The following CRISP1 variants were observed in gnomAD, a reference collection of about 807,000 sequenced individuals.
The protein encoded by CRISP1 is cysteine-rich secretory protein 1.
In CRISP1, 44 loss-of-function variants were observed where a neutral mutation model predicts 33.1. That is an observed-to-expected ratio of 1.33 (90% CI 1.05 to 1.71). The LOEUF is 1.71. Among genes scored for constraint, CRISP1 ranks in the 40% most tolerant of loss-of-function variants. The probability of loss-of-function intolerance (pLI) is 0.00; values close to 1 mark genes in which losing one functional copy is unlikely to be tolerated. For synonymous variants in CRISP1, 103 were observed against 98.7 expected (o/e 1.04, Z -0.26); for missense variants, 390 against 301.2 (o/e 1.29, Z -2.18).
chr6:49,848,359 T>A (rs576184501), intron 3 of CRISP1, 60 bp from the exon 4 acceptor site: 1,036 of 1,024,656 alleles, frequency 1.0e-3, no homozygotes, highest in Non-Finnish European at 1.4e-3. Context: ...AGATTCTAAT[T>A]TATTGTTTTT....
intron 3 of CRISP1, among the ~76,000 whole-genome samples, chr6:49,848,756 A>T (rs1771262129): frequency 6.6e-6 from 1 of 152,190 alleles, no homozygotes; most frequent in African/African-American, 2.4e-5. Flanking sequence ...TTCTGTATTG[A>T]ATAAATGCTG....
upstream of CRISP1, among the ~76,000 whole-genome samples, chr6:49,871,283 C>A (rs1170818710): frequency 1.3e-5 from 2 of 151,984 alleles, no homozygotes; most frequent in Non-Finnish European, 2.9e-5. Context: ...AAAATAATTG[C>A]CCTACTGGAA....
At chr6:49,841,756 G>A (rs970372202) in intron 5 of CRISP1, among the ~76,000 whole-genome samples, 2 of 152,154 alleles carry the variant, frequency 1.3e-5, no homozygotes, top group African/African-American at 4.8e-5. Flanking sequence ...GAGGAAAAGT[G>A]AGCCAGGTTT....
chr6:49,857,818 A>G (rs1582277295), intron 1 of CRISP1, among the ~76,000 whole-genome samples: 1 of 152,216 alleles, frequency 6.6e-6, no homozygotes, highest in East Asian at 1.9e-4. Flanking sequence ...AGCATGAGAC[A>G]GACTTGACCA....
At chr6:49,852,295 A>G (rs1771372287) in intron 2 of CRISP1, among the ~76,000 whole-genome samples, 166 bp from the exon 3 acceptor site, 2 of 152,148 alleles carry the variant, frequency 1.3e-5, no homozygotes, top group Admixed American at 1.3e-4. Context: ...TTTCTCCAGT[A>G]CTAATTTTGA....
At chr6:49,849,691 G>T (rs1383581523) in intron 3 of CRISP1, among the ~76,000 whole-genome samples, 2 of 152,026 alleles carry the variant, frequency 1.3e-5, no homozygotes, top group Admixed American at 6.6e-5. Context: ...AGACTGTTTG[G>T]AGGACACTCA....
intron 1 of CRISP1, among the ~76,000 whole-genome samples, chr6:49,860,245 T>C (rs980516959): frequency 1.3e-5 from 2 of 152,176 alleles, no homozygotes; most frequent in Non-Finnish European, 2.9e-5. Context: ...ACATTGGATT[T>C]AAGTTGGATA....
chr6:49,864,412 G>GTA (rs1771743498), intron 1 of CRISP1, among the ~76,000 whole-genome samples: 1 of 151,658 alleles, frequency 6.6e-6, no homozygotes, highest in Non-Finnish European at 1.5e-5. Context: ...GTGTGTGTGT[G>GTA]TGTGTGTGTG....
intron 5 of CRISP1, among the ~76,000 whole-genome samples, chr6:49,843,905 T>C (rs1771074447): frequency 6.6e-6 from 1 of 152,180 alleles, no homozygotes; most frequent in African/African-American, 2.4e-5. Flanking sequence ...GCAAACAAAA[T>C]GGCTGCTGCC....
upstream of CRISP1, among the ~76,000 whole-genome samples, chr6:49,871,208 A>T (rs1221047987): frequency 6.6e-6 from 1 of 152,138 alleles, no homozygotes; most frequent in East Asian, 1.9e-4. Flanking sequence ...TTATTCAAAA[A>T]CATTGATTTA....
chr6:49,849,951 T>G (rs1771298986), intron 3 of CRISP1, among the ~76,000 whole-genome samples: 1 of 151,906 alleles, frequency 6.6e-6, no homozygotes, highest in African/African-American at 2.4e-5. Flanking sequence ...TCTACCAGTG[T>G]ATAGCCTCTC....
chr6:49,839,393 G>A (rs1345964996), intron 6 of CRISP1, among the ~76,000 whole-genome samples: 2 of 151,910 alleles, frequency 1.3e-5, no homozygotes, highest in Non-Finnish European at 2.9e-5. Context: ...CAATACTACA[G>A]GGAGCTATGT....
intron 3 of CRISP1, among the ~76,000 whole-genome samples, chr6:49,850,634 C>A: frequency 6.6e-6 from 1 of 152,032 alleles, no homozygotes; most frequent in Admixed American, 6.6e-5. Context: ...CTCGTATTTC[C>A]TTTGAAATAT....
At chr6:49,864,413 TGTG>T (rs1771743657) in intron 1 of CRISP1, among the ~76,000 whole-genome samples, 5 of 151,780 alleles carry the variant, frequency 3.3e-5, no homozygotes. Flanking sequence ...TGTGTGTGTG[TGTG>T]TGTGTGTGTA....
chr6:49,849,606 A>G (rs1406447304), intron 3 of CRISP1, among the ~76,000 whole-genome samples: 2 of 152,194 alleles, frequency 1.3e-5, no homozygotes, highest in Non-Finnish European at 2.9e-5. Flanking sequence ...ATATGTGCAT[A>G]TAACAGATTG....
intron 1 of CRISP1, among the ~76,000 whole-genome samples, chr6:49,857,719 G>A (rs189406389): frequency 1.3e-5 from 2 of 152,310 alleles, no homozygotes; most frequent in East Asian, 3.9e-4. Flanking sequence ...AAAGTAGGGA[G>A]ATTATCCTGG....
Position 49,859,237 on chromosome 6 carries a change from G to A in CRISP1, c.-2-1835C>T, listed in dbSNP as rs77297765. On this transcript the variant is annotated intron_variant, in intron 1 of 7. Transcript: ENST00000335847. ...TTGAGTGCTAGGCAGCTACAGAAGC[G>A]TCCTTTATTGAGAGCCTATTCCCAA... 7.1e-3 allele frequency among the ~76,000 whole-genome samples: 1,078 copies of A among 152,000 alleles called. 9 individuals carry two copies. Among genetic ancestry groups the A allele is most frequent in the African/African-American group, 0.024 (989 of 41,458 alleles).
rs180762802 is a variant in CRISP1, at chr6:49,835,696, T to C, written c.623-253A>G. On this transcript the variant is annotated intron_variant, in intron 7 of 7. Transcript: ENST00000335847. ...TTTTTTAAGTCCAATATAAACAGATTGGAGAGGAATCATATTTTTAATTAC... is the reference window on the plus strand; with the variant it reads ...TTTTTTAAGTCCAATATAAACAGATCGGAGAGGAATCATATTTTTAATTAC... 1.3e-4 allele frequency among the ~76,000 whole-genome samples: 20 copies of C among 152,304 alleles called. No homozygotes were observed. In the East Asian group the frequency reaches 3.9e-3, roughly 29 times the overall value.
chr6:49,872,251 GT>G (rs892390626), intron 1 of CRISP1, among the ~76,000 whole-genome samples: 11 of 151,692 alleles, frequency 7.3e-5, no homozygotes, highest in African/African-American at 1.9e-4. Flanking sequence ...GGGGTTGTTT[GT>G]TTTTTTCTTG....
Sources: allele counts gnomAD v4.1 joint callset (sites outside exome capture counted in the v4.1 genomes callset), GRCh38; gene constraint gnomAD v4.1.1; transcripts MANE v1.5; gene names NCBI Gene and HGNC (gene_info 2026-07-23, HGNC 2026-07-21).